The following CSTF2 variants were observed in gnomAD, a reference collection of about 807,000 sequenced individuals.
CSTF2 encodes cleavage stimulation factor subunit 2, also known as CF-1 64 kDa subunit.
In CSTF2, 8 loss-of-function variants were observed where a neutral mutation model predicts 45.4. The observed-to-expected ratio is 0.18, with a 90% CI of 0.10 to 0.32. CSTF2 has a LOEUF of 0.32. Among genes scored for constraint, CSTF2 ranks in the 10% least tolerant of loss-of-function variants. The pLI is 1.00. For synonymous variants in CSTF2, 155 were observed against 158.9 expected, an observed-to-expected ratio of 0.98 and a Z score of 0.18; for missense variants, 253 against 477.1, an observed-to-expected ratio of 0.53 and a Z score of 4.38.
intron 6 of CSTF2, among the ~76,000 whole-genome samples, chrX:100,824,981 T>A (rs2084936783): frequency 8.9e-6 from 1 of 112,575 alleles, no homozygotes; most frequent in African/African-American, 3.2e-5. Flanking sequence ...TAAGATGAAC[T>A]AGGATACATA....
intron 12 of CSTF2, 62 bp downstream of exon 12, chrX:100,837,511 C>G: frequency 1.3e-6 from 1 of 777,059 alleles, no homozygotes; most frequent in Non-Finnish European, 1.9e-6. Flanking sequence ...TTCCTCTTTT[C>G]ACAGTTACCA....
At chrX:100,831,686 A>G (rs777641873) in intron 9 of CSTF2, 30 bp downstream of exon 9, 1 of 1,194,720 alleles carries the variant, frequency 8.4e-7, no homozygotes, top group Non-Finnish European at 1.1e-6. Context: ...GAAACAGTTG[A>G]AGAAATCAGA....
At chrX:100,830,816 C>T in intron 8 of CSTF2, 1 of 1,153,524 alleles carries the variant, frequency 8.7e-7, no homozygotes, top group Non-Finnish European at 1.1e-6. Context: ...AGGAACCCTA[C>T]AGCACTCGCC....
intron 13 of CSTF2, among the ~76,000 whole-genome samples, chrX:100,838,680 A>G (rs751909555): frequency 1.8e-5 from 2 of 112,133 alleles, no homozygotes; most frequent in African/African-American, 6.5e-5. Context: ...TCCCCAGACA[A>G]AACCTCTAAA....
chrX:100,833,674 A>G (rs1024345900), intron 11 of CSTF2, among the ~76,000 whole-genome samples: 3 of 111,596 alleles, frequency 2.7e-5, no homozygotes, highest in African/African-American at 9.8e-5. Flanking sequence ...AAAAAAAACA[A>G]CCTTATCCCA....
intron 13 of CSTF2, among the ~76,000 whole-genome samples, chrX:100,839,857 G>A (rs936531148): frequency 1.8e-5 from 2 of 112,087 alleles, no homozygotes; most frequent in African/African-American, 6.5e-5. Context: ...AGGTAGAAAT[G>A]TTTCTGAAAT....
intron 6 of CSTF2, among the ~76,000 whole-genome samples, chrX:100,826,260 C>T (rs1245386581): frequency 9.4e-6 from 1 of 106,054 alleles, no homozygotes; most frequent in East Asian, 2.9e-4. Flanking sequence ...AAAAGAGTCC[C>T]AGTCTCCTTT....
At position 100,821,442 on chromosome X, in the gene CSTF2, T is replaced by G; in HGVS notation, c.59-85T>G. ...GATTGGAGAACACTATTTTGAGTCT[T>G]ATATTTGATGATATAAGTTTACTTT... is the stretch of plus-strand genomic sequence containing the variant. On this transcript the variant is annotated intron_variant, in intron 1 of 13. Transcript: ENST00000372972. 5.9e-6 allele frequency: 4 copies of G among 675,597 alleles called. 1 individual carries two copies. The highest frequency in any genetic ancestry group is 9.5e-6 in the Non-Finnish European group (4 of 422,111). 55.7% of individuals were successfully genotyped at this position (675,597 alleles called of 1,213,427 possible). A position where few individuals can be genotyped will look rare whatever the true frequency, so the allele number is the denominator to read the frequency against.
chrX:100,839,696 C>G (rs2085029322), intron 13 of CSTF2, among the ~76,000 whole-genome samples: 1 of 111,237 alleles, frequency 9.0e-6, no homozygotes, highest in Non-Finnish European at 1.9e-5. Flanking sequence ...TTCCACAAAC[C>G]CCACATATTC....
intron 11 of CSTF2, among the ~76,000 whole-genome samples, chrX:100,834,226 C>T (rs988217312): frequency 9.0e-6 from 1 of 111,416 alleles, no homozygotes. Context: ...CCTTTTCCCC[C>T]CTTCCTCTGC....
intron 8 of CSTF2, among the ~76,000 whole-genome samples, chrX:100,830,049 C>G (rs961276595): frequency 3.6e-5 from 4 of 111,800 alleles, no homozygotes; most frequent in Non-Finnish European, 5.6e-5. Flanking sequence ...CCTAGTTTGT[C>G]TTACTTTTCC....
At position 100,835,345 on chromosome X, in the gene CSTF2, C is replaced by T. The variant is rs1189612510; in HGVS notation, c.1500+1873C>T. ...ACTCTGGAGGCTAAGGCAGGAGGAT[C>T]AGTAGAGCCCAGGAGTTGGAGGCCC... On this transcript the variant is annotated intron_variant, in intron 11 of 13. Transcript: ENST00000372972. Among the ~76,000 whole-genome samples, 3 of 108,224 alleles carry T rather than the reference C, an allele frequency of 2.8e-5. No individual in the cohort carries two copies. In the East Asian group the frequency reaches 8.6e-4, roughly 31 times the overall value. 94.0% of individuals were successfully genotyped at this position (108,224 alleles called of 115,157 possible). A position where few individuals can be genotyped will look rare whatever the true frequency, so the allele number is the denominator to read the frequency against.
intron 7 of CSTF2, among the ~76,000 whole-genome samples, chrX:100,827,225 T>C (rs968955303): frequency 1.8e-5 from 2 of 112,289 alleles, no homozygotes; most frequent in Non-Finnish European, 3.8e-5. Context: ...TATAGCATAT[T>C]AAACTGACAT....
intron 11 of CSTF2, among the ~76,000 whole-genome samples, chrX:100,835,272 T>C (rs1238895446): frequency 3.9e-5 from 2 of 51,740 alleles, no homozygotes; most frequent in Non-Finnish European, 6.2e-5. Context: ...TAGACTCCCA[T>C]CTTTAAAAAA....
At position 100,831,519 on chromosome X, in the gene CSTF2, G is replaced by A. The variant is rs748664708; in HGVS notation, c.894G>A (p.Pro298=). Residue 298 remains proline (P), a synonymous_variant, in exon 9 of 14, where the codon CCG becomes CCA. Coordinates refer to ENST00000372972, the MANE Select transcript of CSTF2 (RefSeq NM_001325.3). ...CCCCGTTTGTTTCCCTGTCAGTGCCGATGCAAGACCCCAGAGCAGCTATGC... is the reference window on the plus strand; with the variant it reads ...CCCCGTTTGTTTCCCTGTCAGTGCCAATGCAAGACCCCAGAGCAGCTATGC... The part of the protein sequence containing the change: ...GPVSMERGQV[P]MQDPRAAMQR... 8.3e-6 allele frequency: 10 copies of A among 1,209,555 alleles called. No individual in the cohort carries two copies. In the Admixed American group the frequency reaches 8.7e-5, roughly 11 times the overall value.
intron 2 of CSTF2, 123 bp downstream of exon 2, chrX:100,821,728 C>T (rs2084918934): frequency 6.2e-6 from 3 of 484,106 alleles, no homozygotes; most frequent in South Asian, 3.3e-5. Context: ...CTTGTAACAG[C>T]TTTATTGAGA....
chrX:100,834,278 CTG>C (rs772515497), intron 11 of CSTF2, among the ~76,000 whole-genome samples: 19 of 111,229 alleles, frequency 1.7e-4, no homozygotes, highest in African/African-American at 6.2e-4. Flanking sequence ...CTCCCCATGT[CTG>C]TGTGTATGAG....
In CSTF2 at chrX:100,822,354, G is replaced by A. The variant is rs1366719927; in HGVS notation, c.241G>A (p.Glu81Lys). The A allele has an allele frequency of 2.5e-6, 3 of 1,211,060 alleles. No homozygotes were observed. The highest frequency in any genetic ancestry group is 3.4e-6 in the Non-Finnish European group (3 of 894,961). The stretch of plus-strand genomic sequence containing the variant: ...TGCCATGCGGAACCTGAATGGGCGC[G>A]AATTCAGTGGGAGAGCACTTCGAGT... ...LSAMRNLNGR[E>K]FSGRALRVDN... Residue 81 changes from glutamate to lysine, a missense_variant, in exon 3 of 14, where the codon GAA (glutamate) becomes AAA (lysine). Glu to Lys is a moderately conservative substitution (Grantham distance 56, BLOSUM62 1). Transcript: ENST00000372972.
intron 6 of CSTF2, among the ~76,000 whole-genome samples, chrX:100,825,772 C>A (rs747731267): frequency 9.0e-6 from 1 of 110,696 alleles, no homozygotes; most frequent in Non-Finnish European, 1.9e-5. Flanking sequence ...TTTGCCAACC[C>A]CTGCTCTAAA....
Sources: gnomAD v4.1 joint callset for allele counts (sites outside exome capture counted in the v4.1 genomes callset) on GRCh38, gnomAD v4.1.1 for gene constraint, MANE v1.5 for transcripts, NCBI Gene and HGNC (gene_info 2026-07-23, HGNC 2026-07-21) for gene names.